Variants in NAALADL2 observed in about 807,000 individuals in gnomAD.
NAALADL2 encodes inactive N-acetylated-alpha-linked acidic dipeptidase-like protein 2.
In NAALADL2, 76 loss-of-function variants were observed where a neutral mutation model predicts 87.2. That is an observed-to-expected ratio of 0.87 (90% CI 0.72 to 1.05). The LOEUF (loss-of-function observed/expected upper bound fraction) is 1.05. NAALADL2 is among the 50% of genes least tolerant of loss of function. The pLI, the probability that NAALADL2 is intolerant of heterozygous loss-of-function variation, is 0.00. For missense variants in NAALADL2, 1,089 were observed against 945.8 expected, an observed-to-expected ratio of 1.15 and a Z score of -1.99; for synonymous variants, 354 against 331.0, an observed-to-expected ratio of 1.07 and a Z score of -0.75.
intron 1 of NAALADL2, among the ~76,000 whole-genome samples, chr3:174,444,037 G>C (rs1714863517): frequency 6.9e-6 from 1 of 144,714 alleles, no homozygotes; most frequent in Non-Finnish European, 1.6e-5. Context: ...GAAATGGAGC[G>C]TTAGTTGTAG....
intron 2 of NAALADL2, among the ~76,000 whole-genome samples, chr3:174,678,855 A>G (rs752092867): frequency 6.6e-5 from 10 of 152,238 alleles, no homozygotes; most frequent in Non-Finnish European, 5.9e-5. Flanking sequence ...AGCAAATCAC[A>G]GACGTTGGTC....
chr3:175,020,243 A>G (rs1001697922), intron 1 of NAALADL2, among the ~76,000 whole-genome samples: 3 of 152,076 alleles, frequency 2.0e-5, no homozygotes. Flanking sequence ...AAGGAAAACC[A>G]GAAGTTGCTT....
chr3:175,750,064 G>T (rs1376630017), intron 12 of NAALADL2, among the ~76,000 whole-genome samples: 1 of 152,148 alleles, frequency 6.6e-6, no homozygotes, highest in South Asian at 2.1e-4. Flanking sequence ...CTAGCTCAAC[G>T]AGCTGAGCTG....
At chr3:174,757,714 A>T (rs7611995) in intron 3 of NAALADL2, among the ~76,000 whole-genome samples, 18 of 151,498 alleles carry the variant, frequency 1.2e-4, no homozygotes, top group Non-Finnish European at 5.9e-5. Flanking sequence ...CATATTGGCC[A>T]GGCTGGTCTC....
At chr3:174,856,933 G>A (rs139655020), upstream of NAALADL2, among the ~76,000 whole-genome samples, 10 of 152,226 alleles carry the variant, frequency 6.6e-5, no homozygotes, top group East Asian at 1.2e-3. Context: ...AATGTGTTCC[G>A]ATTGATGTCA....
chr3:174,980,274 T>A (rs1389732907), intron 1 of NAALADL2, among the ~76,000 whole-genome samples: 1 of 152,222 alleles, frequency 6.6e-6, no homozygotes, highest in East Asian at 1.9e-4. Flanking sequence ...TAACCTGCTA[T>A]GATACATGCC....
chr3:174,835,054 T>C (rs767415491), intron 3 of NAALADL2, among the ~76,000 whole-genome samples: 44 of 151,950 alleles, frequency 2.9e-4, no homozygotes, highest in Non-Finnish European at 6.0e-4. Context: ...ATACATACTA[T>C]AGAATTAGAA....
intron 2 of NAALADL2, among the ~76,000 whole-genome samples, chr3:174,672,171 T>C (rs1268572844): frequency 6.6e-6 from 1 of 152,124 alleles, no homozygotes; most frequent in Non-Finnish European, 1.5e-5. Flanking sequence ...TGCATTTCAA[T>C]GTTTACTTTT....
chr3:174,475,178 A>G (rs893770621), intron 1 of NAALADL2, among the ~76,000 whole-genome samples: 2 of 151,900 alleles, frequency 1.3e-5, no homozygotes, highest in Non-Finnish European at 2.9e-5. Flanking sequence ...AAAAAAATTG[A>G]TATTACCAAA....
At chr3:175,181,823 T>A (rs2108995005) in intron 2 of NAALADL2, among the ~76,000 whole-genome samples, 1 of 150,436 alleles carries the variant, frequency 6.6e-6, no homozygotes, top group South Asian at 2.1e-4. Flanking sequence ...ATATATTCAC[T>A]ATTGTGAATA....
At chr3:174,635,465 T>G (rs1722535349) in intron 2 of NAALADL2, among the ~76,000 whole-genome samples, 1 of 151,862 alleles carries the variant, frequency 6.6e-6, no homozygotes, top group Admixed American at 6.6e-5. Context: ...GAAACACTGT[T>G]ACATTTTGAT....
At chr3:175,589,639 T>G (rs1357010583) in intron 10 of NAALADL2, among the ~76,000 whole-genome samples, 2 of 151,994 alleles carry the variant, frequency 1.3e-5, no homozygotes, top group Non-Finnish European at 2.9e-5. Flanking sequence ...TAAATGCTGT[T>G]GGATATTAAG....
chr3:174,846,848 A>G (rs973655312), intron 3 of NAALADL2, among the ~76,000 whole-genome samples: 3 of 152,204 alleles, frequency 2.0e-5, no homozygotes, highest in East Asian at 1.9e-4. Flanking sequence ...CATGATTGCT[A>G]TGTTTTAGGA....
chr3:174,572,920 A>G (rs1715099221), intron 2 of NAALADL2, among the ~76,000 whole-genome samples: 1 of 152,196 alleles, frequency 6.6e-6, no homozygotes, highest in African/African-American at 2.4e-5. Flanking sequence ...TAATGGTATG[A>G]TCCTAATTTC....
chr3:175,026,284 T>G (rs1460169391), intron 1 of NAALADL2, among the ~76,000 whole-genome samples: 1 of 151,932 alleles, frequency 6.6e-6, no homozygotes, highest in Non-Finnish European at 1.5e-5. Context: ...CTTTGGAGAC[T>G]AGTAAAATGT....
intron 2 of NAALADL2, among the ~76,000 whole-genome samples, chr3:175,206,740 T>A (rs1740984344): frequency 6.6e-6 from 1 of 152,012 alleles, no homozygotes; most frequent in Admixed American, 6.6e-5. Flanking sequence ...AACCAACATT[T>A]GGGAATGATG....
At chr3:174,799,460 C>G (rs1718546628) in intron 3 of NAALADL2, among the ~76,000 whole-genome samples, 1 of 152,072 alleles carries the variant, frequency 6.6e-6, no homozygotes, top group African/African-American at 2.4e-5. Flanking sequence ...GAGGAGTTCC[C>G]CTGCACAAGC....
At chr3:175,705,788 C>T (rs754165180) in intron 11 of NAALADL2, among the ~76,000 whole-genome samples, 1 of 152,066 alleles carries the variant, frequency 6.6e-6, no homozygotes, top group Admixed American at 6.6e-5. Flanking sequence ...CAAGTTAGAA[C>T]AGGAGTTAGC....
At chr3:175,298,550 A>G (rs1756655111) in intron 4 of NAALADL2, among the ~76,000 whole-genome samples, 4 of 152,142 alleles carry the variant, frequency 2.6e-5, no homozygotes, top group Admixed American at 2.6e-4. Context: ...ATATTATCCA[A>G]CTATACATCT....
Sources: gnomAD v4.1 joint callset for allele counts (sites outside exome capture counted in the v4.1 genomes callset) on GRCh38, gnomAD v4.1.1 for gene constraint, MANE v1.5 for transcripts, NCBI Gene and HGNC (gene_info 2026-07-23, HGNC 2026-07-21) for gene names.